The following KCNQ5 variants were observed in gnomAD, a reference collection of about 807,000 sequenced individuals.
KCNQ5 encodes the protein potassium voltage-gated channel subfamily KQT member 5.
Under a neutral mutation model 98.2 loss-of-function variants are expected in KCNQ5, and 30 were observed. The observed-to-expected ratio is 0.31, with a 90% CI of 0.23 to 0.41. The LOEUF (loss-of-function observed/expected upper bound fraction) is 0.41, where lower values mean the gene tolerates loss of function less well. KCNQ5 is among the 10% of genes least tolerant of loss of function. KCNQ5 has a pLI of 1.00. For missense variants in KCNQ5, 835 were observed against 1,182.5 expected (o/e 0.71, Z 4.31); for synonymous variants, 458 against 449.4 (o/e 1.02, Z -0.24).
At chr6:73,115,383 A>G (rs1775449433) in intron 7 of KCNQ5, among the ~76,000 whole-genome samples, 1 of 152,180 alleles carries the variant, frequency 6.6e-6, no homozygotes, top group Non-Finnish European at 1.5e-5. Flanking sequence ...TCAAAGAAAT[A>G]CAACATTATG....
In KCNQ5 at chr6:72,667,932, C is replaced by T. The variant is rs115566730; in HGVS notation, c.398+45345C>T. 1.0e-3 allele frequency among the ~76,000 whole-genome samples: 156 copies of T among 152,242 alleles called. 1 individual carries two copies. Among genetic ancestry groups the T allele is most frequent in the African/African-American group, 3.7e-3 (153 of 41,542 alleles). ...GCAAGGAAAGACCAAGAGACTATCA[C>T]ACACTGGAGGAGATTAAGGAGATAT... On this transcript the variant is annotated intron_variant, in intron 1 of 13. Coordinates refer to ENST00000370398, the MANE Select transcript of KCNQ5 (RefSeq NM_019842.4).
intron 9 of KCNQ5, 198 bp downstream of exon 9, chr6:73,124,710 C>T (rs1319628248): frequency 1.7e-6 from 1 of 592,296 alleles, no homozygotes; most frequent in Non-Finnish European, 3.0e-6. Flanking sequence ...CTAACTCACT[C>T]CCTGCTTTTT....
At chr6:73,178,687 A>C (rs1778302620) in intron 11 of KCNQ5, among the ~76,000 whole-genome samples, 1 of 152,084 alleles carries the variant, frequency 6.6e-6, no homozygotes, top group Non-Finnish European at 1.5e-5. Flanking sequence ...AGATCAGTGC[A>C]TCCAGGGACT....
At chr6:73,125,017 C>T (rs1331291890) in intron 9 of KCNQ5, among the ~76,000 whole-genome samples, 3 of 130,924 alleles carry the variant, frequency 2.3e-5, no homozygotes, top group Admixed American at 7.8e-5. Flanking sequence ...TACATATACA[C>T]ATACATACAT....
chr6:72,822,628 T>A (rs2150115254), intron 1 of KCNQ5, among the ~76,000 whole-genome samples: 1 of 152,332 alleles, frequency 6.6e-6, no homozygotes, highest in East Asian at 1.9e-4. Flanking sequence ...TTTTATCTTC[T>A]GTCCATTATT....
chr6:72,834,118 A>G (rs1344375095), intron 1 of KCNQ5, among the ~76,000 whole-genome samples: 1 of 152,170 alleles, frequency 6.6e-6, no homozygotes, highest in East Asian at 1.9e-4. Flanking sequence ...AAATGAATAC[A>G]TAAGAAGCAA....
chr6:72,758,738 A>G (rs1175741333), intron 1 of KCNQ5, among the ~76,000 whole-genome samples: 1 of 152,182 alleles, frequency 6.6e-6, no homozygotes, highest in Non-Finnish European at 1.5e-5. Flanking sequence ...ACACTCATTT[A>G]TTTAGACTGT....
intron 1 of KCNQ5, among the ~76,000 whole-genome samples, chr6:72,837,793 T>TTA (rs1399733220): frequency 1.3e-4 from 19 of 150,110 alleles, no homozygotes; most frequent in Middle Eastern, 7.0e-3. Context: ...TATATACATG[T>TTA]TATATATATG....
chr6:73,145,909 G>T (rs532837047), intron 10 of KCNQ5, among the ~76,000 whole-genome samples: 1 of 152,174 alleles, frequency 6.6e-6, no homozygotes, highest in Non-Finnish European at 1.5e-5. Context: ...GTGTCTTTAC[G>T]TGGTAGCAGA....
At chr6:73,046,611 CTATTTTATTTTATTT>C (rs59114459) in intron 3 of KCNQ5, among the ~76,000 whole-genome samples, 30 of 128,322 alleles carry the variant, frequency 2.3e-4, no homozygotes, top group East Asian at 1.7e-3. Flanking sequence ...TTATTTTATT[CTATTTTATTTTATTT>C]TATTTTATTT....
intron 1 of KCNQ5, among the ~76,000 whole-genome samples, chr6:72,942,330 T>G (rs1766349914): frequency 6.6e-6 from 1 of 152,208 alleles, no homozygotes; most frequent in Admixed American, 6.5e-5. Flanking sequence ...TCTGCATAAA[T>G]TAATGTTAAT....
At chr6:72,911,288 G>T (rs1197415927) in intron 1 of KCNQ5, among the ~76,000 whole-genome samples, 1 of 152,098 alleles carries the variant, frequency 6.6e-6, no homozygotes, top group Non-Finnish European at 1.5e-5. Flanking sequence ...AAGCCATTAG[G>T]GTGGAGCCCT....
At chr6:73,158,215 T>A (rs6453648) in intron 10 of KCNQ5, 165,335 of 227,960 alleles carry the variant, frequency 0.73, 62,060 homozygotes, top group East Asian at 0.9. Context: ...CCCAGCGTTG[T>A]GTGGGCATGG....
At chr6:73,071,203 T>C (rs1773286834) in intron 3 of KCNQ5, among the ~76,000 whole-genome samples, 1 of 152,208 alleles carries the variant, frequency 6.6e-6, no homozygotes, top group Non-Finnish European at 1.5e-5. Context: ...ACTATTTTTA[T>C]TATTATTAGC....
At chr6:72,827,080 A>G (rs913978577) in intron 1 of KCNQ5, among the ~76,000 whole-genome samples, 1 of 152,156 alleles carries the variant, frequency 6.6e-6, no homozygotes, top group African/African-American at 2.4e-5. Flanking sequence ...GCTGAATAGT[A>G]TTCCATTGTG....
At chr6:73,130,108 G>A (rs1299110634) in intron 9 of KCNQ5, among the ~76,000 whole-genome samples, 1 of 152,230 alleles carries the variant, frequency 6.6e-6, no homozygotes, top group East Asian at 1.9e-4. Context: ...CTTGTGGTTG[G>A]ACAACTGCTG....
intron 1 of KCNQ5, among the ~76,000 whole-genome samples, chr6:72,779,895 T>G (rs1773372392): frequency 6.7e-6 from 1 of 150,144 alleles, no homozygotes; most frequent in Non-Finnish European, 1.5e-5. Context: ...AGATGGGGTC[T>G]CCCTCTATTG....
chr6:72,692,042 T>C (rs994581700), intron 1 of KCNQ5, among the ~76,000 whole-genome samples: 4 of 152,246 alleles, frequency 2.6e-5, no homozygotes, highest in Admixed American at 2.6e-4. Context: ...ACAGTGTTCA[T>C]AATTTCTTCG....
chr6:72,933,910 G>A (rs1765790737), intron 1 of KCNQ5, among the ~76,000 whole-genome samples: 1 of 151,968 alleles, frequency 6.6e-6, no homozygotes, highest in Non-Finnish European at 1.5e-5. Context: ...CTTGAAAGAG[G>A]CTATACAAAC....
Sources: allele counts gnomAD v4.1 joint callset (sites outside exome capture counted in the v4.1 genomes callset), GRCh38; gene constraint gnomAD v4.1.1; transcripts MANE v1.5; gene names NCBI Gene and HGNC (gene_info 2026-07-23, HGNC 2026-07-21).